Variants in MTFR1 observed in about 807,000 individuals in gnomAD.
MTFR1 encodes mitochondrial fission regulator 1, also known as chondrocyte protein with a poly-proline region.
MTFR1 carries 28 observed loss-of-function variants against 38.8 expected under a neutral mutation model. The ratio of observed to expected loss-of-function variants is 0.72; its 90% CI spans 0.53 to 0.99. MTFR1 has a LOEUF of 0.99. Ranked by LOEUF, MTFR1 falls within the 50% of genes least tolerant of loss-of-function variation. The pLI, the probability that MTFR1 is intolerant of heterozygous loss-of-function variation, is 0.00. For missense variants in MTFR1, 358 were observed against 395.5 expected (o/e 0.91, Z 0.81); for synonymous variants, 145 against 137.0 (o/e 1.06, Z -0.41).
intron 3 of MTFR1, chr8:65,739,731 G>T: frequency 1.1e-6 from 1 of 949,098 alleles, no homozygotes. Flanking sequence ...TCAAAAATAT[G>T]CATCTTCTTA....
At chr8:65,708,681 T>C (rs1051073521) in intron 7 of MTFR1, among the ~76,000 whole-genome samples, 1 of 152,224 alleles carries the variant, frequency 6.6e-6, no homozygotes, top group African/African-American at 2.4e-5. Flanking sequence ...AAGGAAACTT[T>C]GTACTTTCTC....
intron 1 of MTFR1, among the ~76,000 whole-genome samples, chr8:65,666,172 C>A (rs1019622844): frequency 2.0e-5 from 3 of 152,196 alleles, no homozygotes; most frequent in Non-Finnish European, 4.4e-5. Flanking sequence ...TTTGGGAGGC[C>A]AAGGTGGGTG....
At chr8:65,753,470 A>G (rs551380252) in intron 3 of MTFR1, among the ~76,000 whole-genome samples, 2 of 152,328 alleles carry the variant, frequency 1.3e-5, no homozygotes, top group East Asian at 3.9e-4. Context: ...CCAGATGTGG[A>G]AAGTGAAATA....
intron 1 of MTFR1, among the ~76,000 whole-genome samples, chr8:65,655,395 G>A (rs1238316711): frequency 6.6e-6 from 1 of 152,102 alleles, no homozygotes; most frequent in East Asian, 1.9e-4. Flanking sequence ...GGTAGTATAG[G>A]TCATGAGATT....
rs1462151291 is a variant in MTFR1, at chr8:65,663,005, C to A, written c.-80-6868C>A. 3.9e-5 allele frequency among the ~76,000 whole-genome samples: 6 copies of A among 152,176 alleles called. No homozygotes were observed. In the East Asian group the frequency reaches 9.7e-4, roughly 25 times the overall value. On this transcript the variant is annotated intron_variant, in intron 1 of 7. Coordinates refer to ENST00000262146, the MANE Select transcript of MTFR1 (RefSeq NM_014637.4). The stretch of plus-strand genomic sequence containing the variant: ...CTGGGAAGGGAGGAGCCCCTCTGCC[C>A]GGCCACCACCCTGTCTGGGAGGTGT...
At chr8:65,659,429 T>G (rs1264638052) in intron 1 of MTFR1, among the ~76,000 whole-genome samples, 8 of 150,062 alleles carry the variant, frequency 5.3e-5, no homozygotes, top group African/African-American at 1.5e-4. Context: ...AGGAGAGGTT[T>G]TTTTTTTTTT....
intron 5 of MTFR1, 130 bp from the exon 6 acceptor site, chr8:65,706,880 A>T: frequency 1.0e-6 from 1 of 993,510 alleles, no homozygotes. Context: ...CTTGCTTCTT[A>T]CATAACTGAA....
At chr8:65,727,347 A>C in intron 3 of MTFR1, 4 of 1,608,716 alleles carry the variant, frequency 2.5e-6, no homozygotes, top group African/African-American at 1.3e-5. Context: ...TATCTAAAAT[A>C]AGCTCTACGC....
intron 2 of MTFR1, chr8:65,717,695 G>C (rs953655370): frequency 6.6e-6 from 1 of 152,132 alleles, no homozygotes; most frequent in African/African-American, 2.4e-5. Context: ...TGAAAAGATA[G>C]GTTTTTATTC....
At chr8:65,747,175 G>A (rs529714794) in intron 3 of MTFR1, among the ~76,000 whole-genome samples, 1 of 152,134 alleles carries the variant, frequency 6.6e-6, no homozygotes, top group African/African-American at 2.4e-5. Context: ...AGACCTTTGT[G>A]AAAAGATGTT....
At chr8:65,698,539 A>T (rs531306260) in intron 4 of MTFR1, among the ~76,000 whole-genome samples, 1 of 152,238 alleles carries the variant, frequency 6.6e-6, no homozygotes, top group African/African-American at 2.4e-5. Context: ...CAAATTTTTT[A>T]AAAATGGAAT....
chr8:65,707,184 A>G lies in MTFR1; in HGVS notation c.692A>G (p.Lys231Arg). Residue 231 changes from lysine to arginine, a missense_variant, in exon 6 of 8, where the codon AAG becomes AGG. Coordinates refer to ENST00000262146, the MANE Select transcript of MTFR1 (RefSeq NM_014637.4). ...AAGACTTTGGTTAAGAACAATCCAA[A>G]GAAACCTGAAATGCCAAATATGCTA... ...AGKTLVKNNP[K>R]KPEMPNMLEI... 6.8e-6 allele frequency: 11 copies of G among 1,614,210 alleles called. No individual in the cohort carries two copies. The highest frequency in any genetic ancestry group is 9.3e-6 in the Non-Finnish European group (11 of 1,180,014).
At chr8:65,650,236 CAG>C (rs1349037145) in intron 1 of MTFR1, among the ~76,000 whole-genome samples, 178 of 112,514 alleles carry the variant, frequency 1.6e-3, no homozygotes, top group African/African-American at 6.3e-3. Context: ...TTTTTTGAGA[CAG>C]AGTTTTACTC....
intron 1 of MTFR1, among the ~76,000 whole-genome samples, chr8:65,664,746 A>ATG (rs1306905820): frequency 6.9e-6 from 1 of 145,088 alleles, no homozygotes; most frequent in Non-Finnish European, 1.5e-5. Flanking sequence ...ACAGGCACAC[A>ATG]CTACCATACC....
chr8:65,735,231 G>A (rs1397926580), intron 3 of MTFR1, among the ~76,000 whole-genome samples: 1 of 152,122 alleles, frequency 6.6e-6, no homozygotes, highest in African/African-American at 2.4e-5. Flanking sequence ...AAACACAATC[G>A]CCGAGTGAGC....
At chr8:65,680,533 A>G (rs1008711886) in intron 2 of MTFR1, among the ~76,000 whole-genome samples, 2 of 152,188 alleles carry the variant, frequency 1.3e-5, no homozygotes, top group Admixed American at 1.3e-4. Context: ...AAGAAATCAG[A>G]TAGTTTCTGT....
chr8:65,647,241 G>A (rs1808985041), intron 1 of MTFR1, among the ~76,000 whole-genome samples: 1 of 152,200 alleles, frequency 6.6e-6, no homozygotes, highest in African/African-American at 2.4e-5. Flanking sequence ...TGGATATGAG[G>A]AAAGGACCAG....
intron 1 of MTFR1, among the ~76,000 whole-genome samples, chr8:65,666,418 A>G (rs1324936035): frequency 6.6e-6 from 1 of 152,252 alleles, no homozygotes; most frequent in Non-Finnish European, 1.5e-5. Context: ...AACAAAAACA[A>G]AAACAAAACG....
At chr8:65,759,386 C>T (rs1256874071) in intron 3 of MTFR1, among the ~76,000 whole-genome samples, 1 of 152,208 alleles carries the variant, frequency 6.6e-6, no homozygotes, top group East Asian at 1.9e-4. Context: ...CAGGGATCCG[C>T]CAGAATGACG....
Sources: gnomAD v4.1 joint callset for allele counts (sites outside exome capture counted in the v4.1 genomes callset) on GRCh38, gnomAD v4.1.1 for gene constraint, MANE v1.5 for transcripts, NCBI Gene and HGNC (gene_info 2026-07-23, HGNC 2026-07-21) for gene names.